Variants in AGBL4 observed in about 807,000 individuals in gnomAD.
AGBL4 encodes AGBL carboxypeptidase 4, also known as cytosolic carboxypeptidase 6.
Under a neutral mutation model 66.4 loss-of-function variants are expected in AGBL4, and 58 were observed. The ratio of observed to expected loss-of-function variants is 0.87; its 90% CI spans 0.71 to 1.09. AGBL4 has a LOEUF of 1.09. AGBL4 is among the 50% of genes least tolerant of loss of function. The pLI is 0.00. For missense variants in AGBL4, 579 were observed against 631.0 expected, an observed-to-expected ratio of 0.92 and a Z score of 0.88; for synonymous variants, 234 against 222.9, an observed-to-expected ratio of 1.05 and a Z score of -0.44.
intron 6 of AGBL4, among the ~76,000 whole-genome samples, chr1:48,698,405 C>T (rs1293962039): frequency 6.6e-6 from 1 of 152,194 alleles, no homozygotes; most frequent in Admixed American, 6.5e-5. Flanking sequence ...GACCTCCTTA[C>T]CCAACACCAA....
chr1:49,560,368 T>C (rs1303882984), intron 3 of AGBL4, among the ~76,000 whole-genome samples: 3 of 151,956 alleles, frequency 2.0e-5, no homozygotes, highest in Non-Finnish European at 4.4e-5. Flanking sequence ...AATAGAAGAA[T>C]TGATAAAGCA....
At chr1:49,393,315 GT>G (rs1301446878) in intron 3 of AGBL4, among the ~76,000 whole-genome samples, 1 of 152,172 alleles carries the variant, frequency 6.6e-6, no homozygotes, top group Non-Finnish European at 1.5e-5. Context: ...TTAGTTATCA[GT>G]TAGGCCAATT....
chr1:49,440,068 A>AC (rs1362345618), intron 3 of AGBL4, among the ~76,000 whole-genome samples: 1 of 97,358 alleles, frequency 1.0e-5, no homozygotes, highest in Non-Finnish European at 2.0e-5. Flanking sequence ...TAAGGACTCT[A>AC]CTTTTTTTTT....
intron 5 of AGBL4, among the ~76,000 whole-genome samples, chr1:48,927,145 AGCCTGGTGTAT>A (rs1654648547): frequency 6.6e-6 from 1 of 152,188 alleles, no homozygotes; most frequent in Non-Finnish European, 1.5e-5. Context: ...GGAACAGGGA[AGCCTGGTGTAT>A]TAGTCTGTTC....
At chr1:49,575,189 G>T (rs1295562442) in intron 3 of AGBL4, among the ~76,000 whole-genome samples, 1 of 152,124 alleles carries the variant, frequency 6.6e-6, no homozygotes, top group Non-Finnish European at 1.5e-5. Context: ...TTGATTCTAG[G>T]GGACCCAAAA....
intron 3 of AGBL4, among the ~76,000 whole-genome samples, chr1:49,589,931 C>A (rs1444116150): frequency 1.3e-5 from 2 of 152,032 alleles, no homozygotes; most frequent in Non-Finnish European, 2.9e-5. Flanking sequence ...ACTTGGTAGG[C>A]TTACTCCTAT....
intron 3 of AGBL4, among the ~76,000 whole-genome samples, chr1:49,612,937 G>C (rs561851434): frequency 6.6e-6 from 1 of 152,220 alleles, no homozygotes; most frequent in African/African-American, 2.4e-5. Context: ...CACCTTTATG[G>C]GCATTTGCAA....
intron 3 of AGBL4, among the ~76,000 whole-genome samples, chr1:49,690,155 C>A (rs1467538685): frequency 6.6e-6 from 1 of 152,104 alleles, no homozygotes; most frequent in Non-Finnish European, 1.5e-5. Context: ...AAGTGTTTCT[C>A]AATTAAGGTA....
chr1:49,912,527 A>G (rs1005877159), intron 1 of AGBL4, among the ~76,000 whole-genome samples: 2 of 152,234 alleles, frequency 1.3e-5, no homozygotes, highest in Non-Finnish European at 2.9e-5. Flanking sequence ...TATGAGCTAC[A>G]TATTCCCATT....
chr1:49,639,299 C>T (rs6664678), intron 3 of AGBL4, among the ~76,000 whole-genome samples: 2,855 of 152,220 alleles, frequency 0.019, 83 homozygotes, highest in African/African-American at 0.064. Flanking sequence ...AAAGGTAGGA[C>T]AGTAATTTAG....
chr1:49,925,434 T>C (rs1415882007), intron 1 of AGBL4, among the ~76,000 whole-genome samples: 1 of 152,140 alleles, frequency 6.6e-6, no homozygotes, highest in Non-Finnish European at 1.5e-5. Flanking sequence ...GTATGAGACA[T>C]GCTGGCTTCA....
chr1:49,331,095 G>T (rs997356759), intron 3 of AGBL4, among the ~76,000 whole-genome samples: 26 of 152,144 alleles, frequency 1.7e-4, no homozygotes, highest in African/African-American at 4.6e-4. Context: ...CTCCACTAGG[G>T]TCTTGGGTCT....
At chr1:49,127,184 TG>T (rs1379946866) in intron 4 of AGBL4, among the ~76,000 whole-genome samples, 1 of 152,176 alleles carries the variant, frequency 6.6e-6, no homozygotes, top group East Asian at 1.9e-4. Flanking sequence ...CCAGGCTTTT[TG>T]CCTGGGGGCA....
chr1:49,734,596 G>T (rs1243681049), intron 2 of AGBL4, among the ~76,000 whole-genome samples: 1 of 151,972 alleles, frequency 6.6e-6, no homozygotes, highest in Non-Finnish European at 1.5e-5. Flanking sequence ...TACAAGACTT[G>T]TACAATGCAA....
intron 3 of AGBL4, among the ~76,000 whole-genome samples, chr1:49,384,664 A>C (rs554442934): frequency 1.0e-3 from 157 of 152,294 alleles, no homozygotes; most frequent in African/African-American, 3.7e-3. Context: ...TACTCTCATT[A>C]TCACCAGAGA....
intron 4 of AGBL4, among the ~76,000 whole-genome samples, chr1:49,069,222 G>C (rs1051972359): frequency 6.6e-6 from 1 of 152,144 alleles, no homozygotes; most frequent in South Asian, 2.1e-4. Flanking sequence ...CTGTGCAGAA[G>C]CTCTTTTGTT....
chr1:49,584,930 C>A (rs1222095097), intron 3 of AGBL4, among the ~76,000 whole-genome samples: 1 of 152,140 alleles, frequency 6.6e-6, no homozygotes, highest in Non-Finnish European at 1.5e-5. Context: ...GTTGCAGAAC[C>A]AGTTCATTAA....
intron 11 of AGBL4, among the ~76,000 whole-genome samples, chr1:48,554,606 T>C: frequency 6.6e-6 from 1 of 150,808 alleles, no homozygotes; most frequent in Admixed American, 6.6e-5. Context: ...CATTTTATGA[T>C]TTTTTTTTTC....
chr1:48,569,474 T>G (rs57930617), intron 11 of AGBL4, among the ~76,000 whole-genome samples: 221 of 152,348 alleles, frequency 1.5e-3, no homozygotes, highest in African/African-American at 5.2e-3. Context: ...GATTCCAGCC[T>G]GGTTTCCCTG....
Sources: allele counts gnomAD v4.1 joint callset (sites outside exome capture counted in the v4.1 genomes callset), GRCh38; gene constraint gnomAD v4.1.1; transcripts MANE v1.5; gene names NCBI Gene and HGNC (gene_info 2026-07-23, HGNC 2026-07-21).